LRCH1: variants seen among roughly 807,000 people sequenced by gnomAD.
LRCH1 encodes the protein leucine rich repeats and calponin homology domain containing 1.
LRCH1 carries 23 observed loss-of-function variants against 94.9 expected under a neutral mutation model. That is an observed-to-expected ratio of 0.24 (90% CI 0.17 to 0.34). The LOEUF (loss-of-function observed/expected upper bound fraction) is 0.34. Among genes scored for constraint, LRCH1 ranks in the 10% least tolerant of loss-of-function variants. The pLI is 1.00. For synonymous variants in LRCH1, 364 were observed against 354.9 expected, an observed-to-expected ratio of 1.03 and a Z score of -0.29; for missense variants, 790 against 945.9, an observed-to-expected ratio of 0.84 and a Z score of 2.16.
At chr13:46,722,738 A>G (rs75255974) in intron 16 of LRCH1, among the ~76,000 whole-genome samples, 1 of 152,392 alleles carries the variant, frequency 6.6e-6, no homozygotes, top group African/African-American at 2.4e-5. Context: ...TCAAATATGT[A>G]ATCATCACTT....
intron 1 of LRCH1, among the ~76,000 whole-genome samples, chr13:46,638,363 A>C (rs1325577726): frequency 6.6e-6 from 1 of 152,216 alleles, no homozygotes; most frequent in Non-Finnish European, 1.5e-5. Context: ...TTCTTCAGCA[A>C]TATGTTAAAA....
intron 1 of LRCH1, among the ~76,000 whole-genome samples, chr13:46,581,956 C>G (rs1167078414): frequency 2.0e-5 from 3 of 152,100 alleles, no homozygotes; most frequent in South Asian, 4.1e-4. Context: ...TTTAGGCCAC[C>G]CTGGCCAATA....
intron 16 of LRCH1, among the ~76,000 whole-genome samples, chr13:46,719,455 T>A (rs1872497810): frequency 6.6e-6 from 1 of 152,130 alleles, no homozygotes; most frequent in South Asian, 2.1e-4. Context: ...GTGAGTGCCA[T>A]GGGAGAGACA....
intron 7 of LRCH1, among the ~76,000 whole-genome samples, chr13:46,689,488 A>C (rs927459532): frequency 2.0e-5 from 3 of 152,170 alleles, no homozygotes; most frequent in African/African-American, 7.2e-5. Flanking sequence ...AGTGCTCAAT[A>C]AATATTACAA....
At chr13:46,748,533 C>G (rs1257565089), downstream of LRCH1, among the ~76,000 whole-genome samples, 2 of 152,152 alleles carry the variant, frequency 1.3e-5, no homozygotes, top group African/African-American at 2.4e-5. Flanking sequence ...ATTTCACAAG[C>G]CCGTGGCAGA....
intron 17 of LRCH1, among the ~76,000 whole-genome samples, chr13:46,727,901 A>ATTTC (rs71077919): frequency 1.0e-3 from 154 of 148,646 alleles, no homozygotes; most frequent in East Asian, 5.0e-3. Context: ...AGAGAAAAAC[A>ATTTC]TTTCTTTCTT....
intron 2 of LRCH1, among the ~76,000 whole-genome samples, chr13:46,661,144 TC>T (rs1210743022): frequency 6.6e-6 from 1 of 152,100 alleles, no homozygotes; most frequent in African/African-American, 2.4e-5. Flanking sequence ...TACGTTTTAT[TC>T]CAGAGGAAAT....
At chr13:46,752,745 A>G (rs1299335800) in exon 19 of LRCH1, 1 of 151,900 alleles carries the variant, frequency 6.6e-6, no homozygotes, top group Non-Finnish European at 1.5e-5. Context: ...CTTTGTAATC[A>G]TTGTTTTGAG....
intron 9 of LRCH1, 124 bp downstream of exon 9, chr13:46,695,141 C>A (rs796313130): frequency 8.6e-7 from 1 of 1,165,510 alleles, no homozygotes; most frequent in Non-Finnish European, 1.2e-6. Flanking sequence ...CTCCCTGAAG[C>A]GTTCCAAACA....
chr13:46,555,999 A>G (rs2050060908), intron 1 of LRCH1, among the ~76,000 whole-genome samples: 1 of 152,240 alleles, frequency 6.6e-6, no homozygotes, highest in Non-Finnish European at 1.5e-5. Flanking sequence ...GTTCTAGTAC[A>G]GTTGAAAGTT....
chr13:46,673,093 T>C (rs1228548397), intron 3 of LRCH1, among the ~76,000 whole-genome samples: 2 of 152,232 alleles, frequency 1.3e-5, no homozygotes, highest in Non-Finnish European at 2.9e-5. Flanking sequence ...CTTCGTCACC[T>C]GTATAATATA....
chr13:46,561,856 G>A (rs907728088), intron 1 of LRCH1, among the ~76,000 whole-genome samples: 1 of 152,134 alleles, frequency 6.6e-6, no homozygotes, highest in Non-Finnish European at 1.5e-5. Context: ...CTCCCTATCA[G>A]CCCTTTCTTG....
intron 1 of LRCH1, among the ~76,000 whole-genome samples, chr13:46,626,968 ATCC>A (rs1385522028): frequency 1.3e-5 from 2 of 152,178 alleles, no homozygotes; most frequent in African/African-American, 4.8e-5. Context: ...TTTATGAGTC[ATCC>A]TCAAATTAAT....
chr13:46,706,653 C>T (rs1233146781), intron 13 of LRCH1, among the ~76,000 whole-genome samples: 1 of 152,078 alleles, frequency 6.6e-6, no homozygotes, highest in Admixed American at 6.5e-5. Flanking sequence ...AAACTGCTGG[C>T]TTCAAGCGAT....
chr13:46,671,055 C>T (rs1052521667), intron 3 of LRCH1, among the ~76,000 whole-genome samples: 20 of 152,336 alleles, frequency 1.3e-4, no homozygotes, highest in Admixed American at 6.5e-4. Flanking sequence ...CTCACCTCTT[C>T]GGGTTCATCT....
intron 1 of LRCH1, among the ~76,000 whole-genome samples, chr13:46,561,123 G>A (rs2050125633): frequency 1.3e-5 from 2 of 152,230 alleles, no homozygotes; most frequent in African/African-American, 4.8e-5. Context: ...CAGTATGTTT[G>A]ATTTGCATAA....
At chr13:46,616,134 T>TC (rs2050805358) in intron 1 of LRCH1, among the ~76,000 whole-genome samples, 4 of 152,196 alleles carry the variant, frequency 2.6e-5, no homozygotes, top group Admixed American at 2.6e-4. Context: ...GGAGCGGGTT[T>TC]AAGTTTCGCA....
At chr13:46,557,525 T>A in intron 1 of LRCH1, among the ~76,000 whole-genome samples, 1 of 75,170 alleles carries the variant, frequency 1.3e-5, no homozygotes, top group Non-Finnish European at 3.9e-5. Flanking sequence ...CTGGGCAATA[T>A]AGTGAGACCC....
At position 46,744,500 on chromosome 13, in the gene LRCH1, GGA is replaced by G; in HGVS notation, c.*2657_*2658del. The G allele has an allele frequency of 6.1e-6, 6 of 985,290 alleles. No individual in the cohort carries two copies. The highest frequency in any genetic ancestry group is 7.2e-6 in the Non-Finnish European group (6 of 829,908). 61.0% of individuals were successfully genotyped at this position (985,290 alleles called of 1,614,324 possible). ...TGGATTTCTGGTTTGTTATTTTTAG[GGA>G]GAGACACTTATGAAATGGGGCTGGT... On this transcript the variant is annotated 3_prime_UTR_variant, in exon 20 of 20. Coordinates refer to ENST00000389797, the MANE Select transcript of LRCH1 (RefSeq NM_001164211.2).
Sources: allele counts gnomAD v4.1 joint callset (sites outside exome capture counted in the v4.1 genomes callset), GRCh38; gene constraint gnomAD v4.1.1; transcripts MANE v1.5; gene names NCBI Gene and HGNC (gene_info 2026-07-23, HGNC 2026-07-21).